Variants in RBFOX1 observed in about 807,000 individuals in gnomAD.
The protein encoded by RBFOX1 is RNA binding fox-1 homolog 1.
In RBFOX1, 8 loss-of-function variants were observed where a neutral mutation model predicts 57.7. The observed-to-expected ratio is 0.14, with a 90% CI of 0.08 to 0.25. The LOEUF is 0.25. Among genes scored for constraint, RBFOX1 ranks in the 10% least tolerant of loss-of-function variants. The pLI is 1.00. For missense variants in RBFOX1, 611 were observed against 548.5 expected (o/e 1.11, Z -1.14); for synonymous variants, 326 against 222.4 (o/e 1.47, Z -4.15).
At chr16:5,530,930 ATAT>A (rs1281432521) in intron 2 of RBFOX1, among the ~76,000 whole-genome samples, 27 of 67,192 alleles carry the variant, frequency 4.0e-4, no homozygotes, top group South Asian at 1.4e-3. Context: ...TCTACTAAAA[ATAT>A]AAAAAAAAAA....
intron 3 of RBFOX1, among the ~76,000 whole-genome samples, chr16:6,788,092 C>T (rs939012723): frequency 4.6e-5 from 7 of 152,068 alleles, no homozygotes; most frequent in Non-Finnish European, 1.0e-4. Context: ...TGTGGTGGCG[C>T]ATGCCTGTAA....
chr16:7,487,810 T>C (rs958798323), intron 4 of RBFOX1, among the ~76,000 whole-genome samples: 2 of 152,158 alleles, frequency 1.3e-5, no homozygotes, highest in East Asian at 1.9e-4. Context: ...AAGATCCTGA[T>C]AGCTTTATTG....
At chr16:7,553,377 C>G (rs938410330) in intron 5 of RBFOX1, among the ~76,000 whole-genome samples, 19 of 152,030 alleles carry the variant, frequency 1.2e-4, no homozygotes, top group Non-Finnish European at 5.9e-5. Context: ...ACTCCTGGCC[C>G]CAAGTGATCC....
intron 4 of RBFOX1, among the ~76,000 whole-genome samples, chr16:7,090,395 T>C (rs1004467294): frequency 6.6e-6 from 1 of 152,146 alleles, no homozygotes; most frequent in African/African-American, 2.4e-5. Context: ...TGGTATAGTC[T>C]CCCTTCTCTA....
intron 2 of RBFOX1, among the ~76,000 whole-genome samples, chr16:5,562,977 TCTCG>T (rs1017351790): frequency 1.3e-5 from 2 of 151,986 alleles, no homozygotes; most frequent in Admixed American, 6.6e-5. Context: ...TGAAATGGAG[TCTCG>T]CTTTGTCACC....
At chr16:6,527,741 G>A (rs1181979790) in intron 2 of RBFOX1, among the ~76,000 whole-genome samples, 2 of 152,104 alleles carry the variant, frequency 1.3e-5, no homozygotes, top group Non-Finnish European at 2.9e-5. Context: ...CCTAAACCCA[G>A]AGTGTTTTGT....
At chr16:6,795,316 C>G (rs2083754518) in intron 3 of RBFOX1, among the ~76,000 whole-genome samples, 1 of 151,998 alleles carries the variant, frequency 6.6e-6, no homozygotes, top group African/African-American at 2.4e-5. Context: ...GTGATTTTTC[C>G]AACACTGGTT....
chr16:6,095,300 A>T (rs991659720), intron 1 of RBFOX1, among the ~76,000 whole-genome samples: 3 of 152,222 alleles, frequency 2.0e-5, no homozygotes, highest in African/African-American at 7.2e-5. Flanking sequence ...TAAATCCTTC[A>T]TGGGTTTGTA....
At chr16:6,964,192 A>G (rs760515343) in intron 3 of RBFOX1, among the ~76,000 whole-genome samples, 1 of 150,810 alleles carries the variant, frequency 6.6e-6, no homozygotes, top group Non-Finnish European at 1.5e-5. Flanking sequence ...TAATTTTTGT[A>G]TTTTTTAGTA....
chr16:5,683,655 T>A (rs1776100606), intron 3 of RBFOX1, among the ~76,000 whole-genome samples: 1 of 151,958 alleles, frequency 6.6e-6, no homozygotes. Flanking sequence ...ACTTGGACTG[T>A]CTCTCCTTGC....
intron 5 of RBFOX1, among the ~76,000 whole-genome samples, chr16:7,565,524 G>A (rs1455094550): frequency 2.6e-5 from 4 of 152,152 alleles, no homozygotes; most frequent in African/African-American, 7.2e-5. Context: ...CGTGGACCCT[G>A]TAAATTCACT....
intron 3 of RBFOX1, among the ~76,000 whole-genome samples, chr16:5,757,844 C>T (rs1567500712): frequency 6.6e-6 from 1 of 152,188 alleles, no homozygotes; most frequent in Non-Finnish European, 1.5e-5. Flanking sequence ...CATGCTTCTA[C>T]TACTGTGCTA....
intron 4 of RBFOX1, among the ~76,000 whole-genome samples, chr16:7,460,399 G>A (rs866656529): frequency 0.023 from 1,078 of 47,570 alleles, 9 homozygotes; most frequent in South Asian, 0.036. Context: ...ATGTGTGTGT[G>A]TGTGTGTGTG....
At chr16:7,081,548 G>C (rs76894236) in intron 4 of RBFOX1, among the ~76,000 whole-genome samples, 2 of 152,208 alleles carry the variant, frequency 1.3e-5, no homozygotes, top group East Asian at 1.9e-4. Context: ...TGAGAGTAGT[G>C]GGAGTTTTTA....
intron 4 of RBFOX1, among the ~76,000 whole-genome samples, chr16:7,248,677 T>G (rs773937541): frequency 5.3e-5 from 8 of 152,206 alleles, no homozygotes; most frequent in Admixed American, 1.3e-4. Context: ...ATTCAAGTAC[T>G]GCAGATAAGC....
intron 3 of RBFOX1, among the ~76,000 whole-genome samples, chr16:6,736,334 A>T (rs1417296822): frequency 1.3e-5 from 2 of 152,066 alleles, no homozygotes; most frequent in Non-Finnish European, 2.9e-5. Flanking sequence ...CAAGTCCCCA[A>T]AGTCCATTGT....
chr16:6,550,081 C>G (rs1410715693), intron 2 of RBFOX1, among the ~76,000 whole-genome samples: 1 of 152,194 alleles, frequency 6.6e-6, no homozygotes. Flanking sequence ...ATGCTGTTCA[C>G]TTGTGCCTCC....
intron 3 of RBFOX1, among the ~76,000 whole-genome samples, chr16:6,684,808 A>C (rs1055820197): frequency 6.6e-6 from 1 of 152,178 alleles, no homozygotes; most frequent in Admixed American, 6.5e-5. Flanking sequence ...AAATTCCTTA[A>C]AGCATTTCTT....
At chr16:7,156,905 C>T (rs2077265835) in intron 4 of RBFOX1, among the ~76,000 whole-genome samples, 1 of 152,102 alleles carries the variant, frequency 6.6e-6, no homozygotes, top group Non-Finnish European at 1.5e-5. Context: ...AAAGTTTTAT[C>T]CGTTTACATT....
Sources: allele counts gnomAD v4.1 joint callset (sites outside exome capture counted in the v4.1 genomes callset), GRCh38; gene constraint gnomAD v4.1.1; transcripts MANE v1.5; gene names NCBI Gene and HGNC (gene_info 2026-07-23, HGNC 2026-07-21).